DMAC2L: variants seen among roughly 807,000 people sequenced by gnomAD.
DMAC2L encodes ATP synthase subunit s, mitochondrial.
DMAC2L carries 21 observed loss-of-function variants against 22.5 expected under a neutral mutation model. The observed-to-expected ratio is 0.93, with a 90% CI of 0.66 to 1.34. DMAC2L has a LOEUF of 1.34. DMAC2L is among the 40% of genes most tolerant of loss of function. The pLI is 0.00. For synonymous variants in DMAC2L, 86 were observed against 89.5 expected, an observed-to-expected ratio of 0.96 and a Z score of 0.22; for missense variants, 239 against 246.5, an observed-to-expected ratio of 0.97 and a Z score of 0.20.
At chr14:50,312,795 G>A (rs1289938217) in intron 1 of DMAC2L, 1 of 546,944 alleles carries the variant, frequency 1.8e-6, no homozygotes, top group Admixed American at 3.4e-5. Flanking sequence ...TCCTCACGGA[G>A]GCTCTTTGTC....
In DMAC2L at chr14:50,322,509, A is replaced by G. The variant is rs781212507; in HGVS notation, c.108-2A>G. Reference sequence around the variant, plus strand: ...AAACTGCTTTTTTTCTCTTGCCAACAGGGTGGATTATGATCGCATCAGGGA... The same window carrying G: ...AAACTGCTTTTTTTCTCTTGCCAACGGGGTGGATTATGATCGCATCAGGGA... On this transcript the variant is annotated splice_acceptor_variant, in intron 3 of 5. Transcript: ENST00000557421. LOFTEE classifies it high-confidence loss of function. 14 of 1,590,998 alleles carry G rather than the reference A, an allele frequency of 8.8e-6. No individual in the cohort carries two copies. The highest frequency in any genetic ancestry group is 1.7e-5 in the Admixed American group (1 of 57,988).
chr14:50,322,688 T>C lies in DMAC2L; in HGVS notation c.285T>C (p.Ser95=), dbSNP rs756213419. The part of the protein sequence containing the change: ...YKIQAIDATD[S]CIMSIGFDHM... ...TTCAGGCGATCGACGCCACCGACTC[T>C]TGTATCATGAGCATTGGATTTGATC... Residue 95 remains serine (S), a synonymous_variant, in exon 4 of 6, where the codon TCT becomes TCC. Transcript: ENST00000557421. 3.1e-6 allele frequency: 5 copies of C among 1,614,184 alleles called. No individual in the cohort carries two copies. The South Asian group carries it at 3.3e-5, about 11-fold the overall frequency.
chr14:50,319,543 C>A (rs1158612648), intron 2 of DMAC2L, among the ~76,000 whole-genome samples: 1 of 152,218 alleles, frequency 6.6e-6, no homozygotes, highest in African/African-American at 2.4e-5. Context: ...TAAACACATG[C>A]ATTTATTAAT....
chr14:50,322,655 A>C lies in DMAC2L; in HGVS notation c.252A>C (p.Lys84Asn), dbSNP rs371382792. The C allele has an allele frequency of 7.4e-6, 12 of 1,614,042 alleles. No homozygotes were observed. In the South Asian group the frequency reaches 8.8e-5, roughly 12 times the overall value. ...ACCTTCCAACAGGCCCTCTGGACAA[A>C]TACAAGATTCAGGCGATCGACGCCA... ...YNHLPTGPLD[K>N]YKIQAIDATD... Residue 84 changes from lysine to asparagine, a missense_variant, in exon 4 of 6, where the codon AAA becomes AAC. By Grantham distance (94) the Lys-to-Asn change is moderately conservative. Coordinates refer to ENST00000557421, the MANE Select transcript of DMAC2L (RefSeq NM_001382507.1).
At chr14:50,321,676 C>A (rs1274701559) in intron 3 of DMAC2L, 82 bp downstream of exon 3, 2 of 1,038,520 alleles carry the variant, frequency 1.9e-6, no homozygotes, top group Non-Finnish European at 2.9e-6. Flanking sequence ...GGCTATTTCT[C>A]ATATTTACAG....
In DMAC2L at chr14:50,325,859, G is replaced by A. The variant is rs906509480; in HGVS notation, c.*136G>A. ...TTTAGAAGTGGAGAGTGCATCATAT[G>A]TAGAAAATAAATATTCAGACGTGGC... On this transcript the variant is annotated 3_prime_UTR_variant, in exon 6 of 6. Coordinates refer to ENST00000557421, the MANE Select transcript of DMAC2L (RefSeq NM_001382507.1). 10 of 1,348,182 alleles carry A rather than the reference G, an allele frequency of 7.4e-6. No individual in the cohort carries two copies. The African/African-American group carries it at 1.2e-4, about 16-fold the overall frequency. The allele number at this position is 1,348,182 out of a possible 1,614,324, so 83.5% of individuals were successfully genotyped here.
chr14:50,325,823 T>C lies in DMAC2L; in HGVS notation c.*100T>C. The stretch of plus-strand genomic sequence containing the variant: ...CATCAGTAGAATTATAAGGATGCCA[T>C]ATCATGACATTTTAGAAGTGGAGAG... On this transcript the variant is annotated 3_prime_UTR_variant, in exon 6 of 6. Coordinates refer to ENST00000557421, the MANE Select transcript of DMAC2L (RefSeq NM_001382507.1). 6.9e-7 allele frequency: 1 copy of C among 1,455,258 alleles called. No homozygotes were observed. The highest frequency in any genetic ancestry group is 9.0e-7 in the Non-Finnish European group (1 of 1,106,060). 90.1% of individuals were successfully genotyped at this position (1,455,258 alleles called of 1,614,324 possible).
intron 2 of DMAC2L, among the ~76,000 whole-genome samples, chr14:50,320,192 C>G (rs1289758758): frequency 6.6e-6 from 1 of 152,226 alleles, no homozygotes; most frequent in African/African-American, 2.4e-5. Context: ...CTCCCGGGTT[C>G]AAGCGATTCT....
chr14:50,322,933 G>A lies in DMAC2L; in HGVS notation c.316+214G>A, dbSNP rs112738902. The A allele has an allele frequency of 4.8e-5, 68 of 1,423,836 alleles. No individual in the cohort carries two copies. The African/African-American group carries it at 6.9e-4, about 14-fold the overall frequency. 88.2% of individuals were successfully genotyped at this position (1,423,836 alleles called of 1,614,324 possible). On this transcript the variant is annotated intron_variant, in intron 4 of 5. Transcript: ENST00000557421. Reference sequence around the variant, plus strand: ...TCCTCCTCTCACTAAGCTTGTTTCTGTATGTCTCTAGTCTTTGGTTTATTG... The same window carrying A: ...TCCTCCTCTCACTAAGCTTGTTTCTATATGTCTCTAGTCTTTGGTTTATTG...
Position 50,321,547 on chromosome 14 carries a change from A to C in DMAC2L, c.60A>C (p.Ser20=). 2 of 1,614,134 alleles carry C rather than the reference A, an allele frequency of 1.2e-6. No individual in the cohort carries two copies. The highest frequency in any genetic ancestry group is 4.5e-5 in the East Asian group (2 of 44,874). ...QLCGVKKLPW[S]CDSRYFWGWL... ...GTGGCGTAAAGAAACTCCCATGGTC[A>C]TGTGACTCCAGATACTTCTGGGGCT... Residue 20 remains serine, a synonymous_variant, in exon 3 of 6, where the codon TCA becomes TCC. Transcript: ENST00000557421.
chr14:50,323,973 G>A lies in DMAC2L; in HGVS notation c.345G>A (p.Arg115=). 6.2e-7 allele frequency: 1 copy of A among 1,612,344 alleles called. No homozygotes were observed. The highest frequency in any genetic ancestry group is 8.5e-7 in the Non-Finnish European group (1 of 1,179,410). Residue 115 remains arginine (R), a synonymous_variant, in exon 5 of 6, where the codon AGG becomes AGA. Coordinates refer to ENST00000557421, the MANE Select transcript of DMAC2L (RefSeq NM_001382507.1). ...GCCTAGAGCATGTTGAAAAAATAAG[G>A]CTGTGCAAGTGTCATTATATCGAGG... ...MEGLEHVEKI[R]LCKCHYIEDD... is the part of the protein sequence containing the mutation.
intron 2 of DMAC2L, among the ~76,000 whole-genome samples, chr14:50,320,311 G>A (rs1036410090): frequency 3.4e-4 from 51 of 151,678 alleles, no homozygotes; most frequent in Non-Finnish European, 5.9e-4. Flanking sequence ...GAGTTTCACC[G>A]TGTTAGCCAG....
At chr14:50,313,916 G>C (rs1192853722) in intron 1 of DMAC2L, among the ~76,000 whole-genome samples, 2 of 152,030 alleles carry the variant, frequency 1.3e-5, no homozygotes, top group East Asian at 3.8e-4. Flanking sequence ...TCTATTCTCT[G>C]TTTCTAAAAT....
rs747630629 is a variant in DMAC2L at position 50,325,934 on chromosome 14, T to C, written c.*211T>C. ...TGAGAATTTATGAACATTAATTCATTTTAAGAAAAGTGCAGCCAGGCGCAG... is the reference window on the plus strand; with the variant it reads ...TGAGAATTTATGAACATTAATTCATCTTAAGAAAAGTGCAGCCAGGCGCAG... On this transcript the variant is annotated 3_prime_UTR_variant, in exon 6 of 6. Coordinates refer to ENST00000557421, the MANE Select transcript of DMAC2L (RefSeq NM_001382507.1). The C allele has an allele frequency of 5.3e-4, 631 of 1,184,386 alleles. No individual in the cohort carries two copies. Among genetic ancestry groups the C allele is most frequent in the Non-Finnish European group, 6.0e-4 (573 of 951,798 alleles). The allele number at this position is 1,184,386 out of a possible 1,614,324, so 73.4% of individuals were successfully genotyped here. A position where few individuals can be genotyped will look rare whatever the true frequency, so the allele number is the denominator to read the frequency against.
chr14:50,327,210 C>G lies in DMAC2L; in HGVS notation c.*1487C>G, dbSNP rs953507223. On this transcript the variant is annotated 3_prime_UTR_variant, in exon 6 of 6. Transcript: ENST00000557421. ...AATAGCTGGGTGTAGTGGCACATGC[C>G]TGTAGTCCCAACTACTCAGGAGTCT... The G allele has an allele frequency of 2.6e-5, 4 of 151,790 alleles. No homozygotes were observed. The highest frequency in any genetic ancestry group is 9.7e-5 in the African/African-American group (4 of 41,294). The allele number at this position is 151,790 out of a possible 1,614,324, so 9.4% of individuals were successfully genotyped here.
At chr14:50,314,100 C>A (rs572704958) in intron 1 of DMAC2L, among the ~76,000 whole-genome samples, 1 of 152,222 alleles carries the variant, frequency 6.6e-6, no homozygotes, top group South Asian at 2.1e-4. Context: ...AGATGTACTA[C>A]AGTATTGATA....
chr14:50,317,659 A>G (rs2031921562), intron 2 of DMAC2L, among the ~76,000 whole-genome samples: 1 of 151,966 alleles, frequency 6.6e-6, no homozygotes, highest in African/African-American at 2.4e-5. Flanking sequence ...AATCCCAGCT[A>G]CTTGGAAGGC....
upstream of DMAC2L, chr14:50,312,256 A>G: frequency 3.3e-6 from 5 of 1,502,106 alleles, no homozygotes; most frequent in Non-Finnish European, 4.5e-6. Context: ...GGGCCAATGA[A>G]GTGGCGCGCC....
In DMAC2L at chr14:50,325,879, C is replaced by T. The variant is rs907607691; in HGVS notation, c.*156C>T. 9.2e-5 allele frequency: 119 copies of T among 1,290,294 alleles called. No homozygotes were observed. Among genetic ancestry groups the T allele is most frequent in the Non-Finnish European group, 1.1e-4 (112 of 1,016,354 alleles). 79.9% of individuals were successfully genotyped at this position (1,290,294 alleles called of 1,614,324 possible). ...CATATGTAGAAAATAAATATTCAGA[C>T]GTGGCTCATTAATGTTACTAAGTTG... On this transcript the variant is annotated 3_prime_UTR_variant, in exon 6 of 6. Coordinates refer to ENST00000557421, the MANE Select transcript of DMAC2L (RefSeq NM_001382507.1).
Sources: allele counts gnomAD v4.1 joint callset (sites outside exome capture counted in the v4.1 genomes callset), GRCh38; gene constraint gnomAD v4.1.1; transcripts MANE v1.5; gene names NCBI Gene and HGNC (gene_info 2026-07-23, HGNC 2026-07-21).